The following SIAE variants were observed in gnomAD, a reference collection of about 807,000 sequenced individuals.
SIAE encodes sialate O-acetylesterase.
SIAE carries 39 observed loss-of-function variants against 52.6 expected under a neutral mutation model. The observed-to-expected ratio is 0.74, with a 90% confidence interval of 0.57 to 0.97. The LOEUF is 0.97. Among genes scored for constraint, SIAE ranks in the 50% least tolerant of loss-of-function variants. The pLI, the probability that SIAE is intolerant of heterozygous loss-of-function variation, is 0.00. For synonymous variants in SIAE, 233 were observed against 241.4 expected (o/e 0.97, Z 0.32); for missense variants, 592 against 662.1 (o/e 0.89, Z 1.16).
At chr11:124,644,353 GAAAA>G (rs370589585) in intron 7 of SIAE, among the ~76,000 whole-genome samples, 1 of 102,174 alleles carries the variant, frequency 9.8e-6, no homozygotes, top group East Asian at 2.7e-4. Flanking sequence ...TCTGTGGTGA[GAAAA>G]AAAAAAAAAA....
At position 124,670,638 on chromosome 11, in the gene SIAE, G is replaced by A. The variant is rs1367980065; in HGVS notation, c.68-1117C>T. Among the ~76,000 whole-genome samples, 2 of 152,132 alleles carry A rather than the reference G, an allele frequency of 1.3e-5. No individual in the cohort carries two copies. Among genetic ancestry groups the A allele is most frequent in the Admixed American group, 6.5e-5 (1 of 15,278 alleles). On this transcript the variant is annotated intron_variant, in intron 1 of 9. Transcript: ENST00000263593. The surrounding 1 kb of genome is among the most constrained non-coding windows in gnomAD (Gnocchi z 4.5). ...TCCCTGGAAGCTACAAATGATGAGG[G>A]CCCCTTCGGCTATACTTAACAGGGC... is the stretch of plus-strand genomic sequence containing the variant.
rs943232433 is a variant in SIAE at position 124,654,690 on chromosome 11, A to G, written c.509T>C (p.Val170Ala). 2.5e-6 allele frequency: 4 copies of G among 1,614,224 alleles called. No homozygotes were observed. Among genetic ancestry groups the G allele is most frequent in the South Asian group, 1.1e-5 (1 of 91,082 alleles). The change falls in exon 4 of 10, where the codon GTT (valine) becomes GCT (alanine). Residue 170 changes from valine (V) to alanine (A), a missense_variant. Val to Ala is a moderately conservative substitution (Grantham distance 64). Coordinates refer to ENST00000263593, the MANE Select transcript of SIAE (RefSeq NM_170601.5). ...CTTAGACCACTGCAAGTCAACCGCA[A>G]CAAGGTCCTCCAGCTCCTGCTCTGC... Reference protein sequence around the residue: ...IQAEQELEDLVAVDLQWSKPT... With the variant: ...IQAEQELEDLAAVDLQWSKPT...
chr11:124,660,345 C>A, intron 3 of SIAE: 4 of 362,912 alleles, frequency 1.1e-5, no homozygotes, highest in South Asian at 3.1e-5. Flanking sequence ...AGAAGAAACT[C>A]AGTTTTGGAG....
intron 7 of SIAE, among the ~76,000 whole-genome samples, chr11:124,643,810 G>GT (rs1404874679): frequency 6.6e-6 from 1 of 152,064 alleles, no homozygotes; most frequent in Non-Finnish European, 1.5e-5. Context: ...TGATCTAACT[G>GT]TAAGTCAAAC....
At chr11:124,671,599 C>G (rs1452615217) in intron 1 of SIAE, among the ~76,000 whole-genome samples, 1 of 152,116 alleles carries the variant, frequency 6.6e-6, no homozygotes, top group Non-Finnish European at 1.5e-5. Flanking sequence ...AAATCATATT[C>G]CTCATCTTTG....
chr11:124,649,617 A>C lies in SIAE; in HGVS notation c.722+2T>G. 6.2e-7 allele frequency: 1 copy of C among 1,613,878 alleles called. No homozygotes were observed. ...TTCTCAGACTGGAGAATGCTGTCTTACCCTTGTTTAGGGACCCCACAGGCT... is the reference window on the plus strand; with the variant it reads ...TTCTCAGACTGGAGAATGCTGTCTTCCCCTTGTTTAGGGACCCCACAGGCT... On this transcript the variant is annotated splice_donor_variant, in intron 5 of 9. Transcript: ENST00000263593. LOFTEE classifies it high-confidence loss of function.
intron 2 of SIAE, among the ~76,000 whole-genome samples, chr11:124,667,210 C>T (rs981252432): frequency 6.6e-6 from 1 of 152,154 alleles, no homozygotes; most frequent in African/African-American, 2.4e-5. Context: ...ATTATTTGTA[C>T]ACAATGCTCC....
intron 4 of SIAE, 31 bp downstream of exon 4, chr11:124,654,624 T>G (rs1565413680): frequency 6.2e-7 from 1 of 1,613,900 alleles, no homozygotes; most frequent in Non-Finnish European, 8.5e-7. Context: ...ACCCATTATA[T>G]AAGAGACAGC....
chr11:124,650,944 T>A (rs1943007368), intron 4 of SIAE, among the ~76,000 whole-genome samples: 1 of 152,166 alleles, frequency 6.6e-6, no homozygotes, highest in South Asian at 2.1e-4. Context: ...CCAATTACAC[T>A]GCCCAGTAAC....
chr11:124,662,131 T>C (rs1039352783), intron 2 of SIAE, among the ~76,000 whole-genome samples: 3 of 152,108 alleles, frequency 2.0e-5, no homozygotes, highest in Admixed American at 6.5e-5. Flanking sequence ...CCCTAAGAGG[T>C]TAATTAAATC....
intron 4 of SIAE, among the ~76,000 whole-genome samples, chr11:124,653,355 A>C (rs1467444839): frequency 2.6e-5 from 4 of 152,198 alleles, no homozygotes; most frequent in African/African-American, 2.4e-5. Context: ...CTGAGCACCA[A>C]GGAAAGCATG....
intron 5 of SIAE, 23 bp downstream of exon 5, chr11:124,649,596 C>G: frequency 3.1e-6 from 5 of 1,613,260 alleles, no homozygotes; most frequent in Non-Finnish European, 4.2e-6. Context: ...GGCTCTTTCT[C>G]AGACTGGAGA....
rs1437044228 is a variant in SIAE, at chr11:124,636,139, CAA to C, written c.*810_*811del. Reference sequence around the variant, plus strand: ...CCCACGCCTCCTGTTCCTGGCAGCCCAAGTGCCTTCGCTGGGCTACTCCCACC... The same window carrying C: ...CCCACGCCTCCTGTTCCTGGCAGCCCGTGCCTTCGCTGGGCTACTCCCACC... On this transcript the variant is annotated 3_prime_UTR_variant, in exon 10 of 10. Coordinates refer to ENST00000263593, the MANE Select transcript of SIAE (RefSeq NM_170601.5). 2 of 152,216 alleles carry C rather than the reference CAA, an allele frequency of 1.3e-5. No individual in the cohort carries two copies. Among genetic ancestry groups the C allele is most frequent in the African/African-American group, 4.8e-5 (2 of 41,430 alleles). The allele number at this position is 152,216 out of a possible 1,614,324, so 9.4% of individuals were successfully genotyped here.
chr11:124,675,337 C>A (rs191029144), upstream of SIAE: 1 of 1,614,170 alleles, frequency 6.2e-7, no homozygotes, highest in Non-Finnish European at 8.5e-7. Flanking sequence ...AGGGCTGACA[C>A]GCGAGATTCT....
In SIAE at chr11:124,660,711, A is replaced by G; in HGVS notation, c.322T>C (p.Phe108Leu). The stretch of plus-strand genomic sequence containing the variant: ...AGGACGTCATGAACTCTCAGGGTGA[A>G]GTTTATTTTCTCCAAAGTCTGTTGT... ...MAQQTLEKIN[F>L]TLRVHDVLFG... Residue 108 changes from phenylalanine to leucine, a missense_variant, in exon 3 of 10, where the codon TTC (phenylalanine) becomes CTC (leucine). By Grantham distance (22) the Phe-to-Leu change is conservative. Transcript: ENST00000263593. The G allele has an allele frequency of 1.2e-6, 2 of 1,614,194 alleles. No individual in the cohort carries two copies. The highest frequency in any genetic ancestry group is 1.7e-6 in the Non-Finnish European group (2 of 1,180,042).
Position 124,637,187 on chromosome 11 carries a change from C to G in SIAE, c.1336G>C (p.Asp446His). The change falls in exon 10 of 10, where the codon GAC (aspartate) becomes CAC (histidine). Residue 446 changes from aspartate (D) to histidine (H), a missense_variant. Asp to His is a moderately conservative substitution (Grantham distance 81, BLOSUM62 -1). Coordinates refer to ENST00000263593, the MANE Select transcript of SIAE (RefSeq NM_170601.5). The part of the protein sequence containing the change: ...NKIFEISCCS[D>H]HRCKWLPASM... Reference sequence around the variant, plus strand: ...GCTGGAAGCCACTTGCATCGATGGTCACTGCAACAGGAGATCTAATAAGAG... The same window carrying G: ...GCTGGAAGCCACTTGCATCGATGGTGACTGCAACAGGAGATCTAATAAGAG... 6.2e-7 allele frequency: 1 copy of G among 1,614,054 alleles called. No homozygotes were observed. The highest frequency in any genetic ancestry group is 8.5e-7 in the Non-Finnish European group (1 of 1,180,020).
chr11:124,659,330 C>T (rs575611679), intron 3 of SIAE: 1 of 152,310 alleles, frequency 6.6e-6, no homozygotes, highest in African/African-American at 2.4e-5. Context: ...TCTGCTTCTA[C>T]ACAAAACCAT....
upstream of SIAE, chr11:124,675,730 A>G (rs190754420): frequency 3.8e-5 from 9 of 238,412 alleles, no homozygotes; most frequent in East Asian, 1.1e-3. Flanking sequence ...AAAAAAGATC[A>G]TACAGTCTAC....
chr11:124,655,173 T>C (rs1943076871), intron 3 of SIAE, among the ~76,000 whole-genome samples: 1 of 141,956 alleles, frequency 7.0e-6, no homozygotes, highest in Non-Finnish European at 1.5e-5. Flanking sequence ...ATTAACTTCT[T>C]CTTTTTTTTT....
Sources: gnomAD v4.1 joint callset for allele counts (sites outside exome capture counted in the v4.1 genomes callset) on GRCh38, gnomAD v4.1.1 for gene constraint, Gnocchi (gnomAD v3.1) non-coding constraint, MANE v1.5 for transcripts, NCBI Gene and HGNC (gene_info 2026-07-23, HGNC 2026-07-21) for gene names.